Variants in FAM168A observed in about 807,000 individuals in gnomAD.
The protein encoded by FAM168A is protein FAM168A.
FAM168A carries 3 observed loss-of-function variants against 28.5 expected under a neutral mutation model. That is an observed-to-expected ratio of 0.11 (90% CI 0.05 to 0.27). The LOEUF (loss-of-function observed/expected upper bound fraction) is 0.27. Among genes scored for constraint, FAM168A ranks in the 10% least tolerant of loss-of-function variants. FAM168A has a pLI of 1.00. For missense variants in FAM168A, 222 were observed against 311.5 expected (o/e 0.71, Z 2.16); for synonymous variants, 122 against 124.2 (o/e 0.98, Z 0.12).
intron 1 of FAM168A, among the ~76,000 whole-genome samples, chr11:73,531,179 C>T (rs1396730938): frequency 6.6e-6 from 1 of 152,090 alleles, no homozygotes; most frequent in Non-Finnish European, 1.5e-5. Flanking sequence ...CACTTTACTC[C>T]CCAATCTGAA....
intron 2 of FAM168A, among the ~76,000 whole-genome samples, chr11:73,440,425 C>T (rs939346339): frequency 2.6e-5 from 4 of 152,074 alleles, no homozygotes; most frequent in South Asian, 2.1e-4. Context: ...GAAGGAGGAC[C>T]GCTGCTTGAG....
chr11:73,464,386 G>T (rs1867700418), intron 2 of FAM168A, among the ~76,000 whole-genome samples: 1 of 151,674 alleles, frequency 6.6e-6, no homozygotes. Flanking sequence ...TCTTTGAACA[G>T]ATTAATTTCC....
chr11:73,463,657 G>A (rs895696089), intron 2 of FAM168A, among the ~76,000 whole-genome samples: 1 of 152,114 alleles, frequency 6.6e-6, no homozygotes, highest in Non-Finnish European at 1.5e-5. Flanking sequence ...ATGAGCAGGG[G>A]AAGAAAATTC....
chr11:73,449,674 CTT>C (rs1867391254), intron 2 of FAM168A, among the ~76,000 whole-genome samples: 1 of 152,220 alleles, frequency 6.6e-6, no homozygotes, highest in African/African-American at 2.4e-5. Context: ...GGTCTTGACT[CTT>C]TGCCCATCCC....
chr11:73,484,632 CTA>C (rs906707512), intron 1 of FAM168A, among the ~76,000 whole-genome samples: 25 of 140,842 alleles, frequency 1.8e-4, no homozygotes, highest in Admixed American at 1.1e-3. Flanking sequence ...ATATAGATAT[CTA>C]TATCGATATC....
chr11:73,533,517 A>T (rs1943541009), intron 1 of FAM168A, among the ~76,000 whole-genome samples: 1 of 152,098 alleles, frequency 6.6e-6, no homozygotes, highest in South Asian at 2.1e-4. Flanking sequence ...CAAGTAAGAA[A>T]GGAGAACCAT....
At chr11:73,589,719 G>A (rs754807180) in intron 1 of FAM168A, among the ~76,000 whole-genome samples, 1 of 152,130 alleles carries the variant, frequency 6.6e-6, no homozygotes, top group Non-Finnish European at 1.5e-5. Context: ...ATGAGGTCAG[G>A]AGTTCAAGAC....
chr11:73,440,491 G>A (rs1762010088), intron 2 of FAM168A, among the ~76,000 whole-genome samples: 1 of 152,060 alleles, frequency 6.6e-6, no homozygotes, highest in Admixed American at 6.6e-5. Flanking sequence ...TCTACAAAAA[G>A]CGGTGGTGTG....
At chr11:73,496,901 ACACACG>A (rs1360170203) in intron 1 of FAM168A, among the ~76,000 whole-genome samples, 153 of 149,400 alleles carry the variant, frequency 1.0e-3, no homozygotes, top group South Asian at 2.8e-3. Flanking sequence ...ACACACACAC[ACACACG>A]CACACACACG....
chr11:73,440,568 T>A (rs2134528010), intron 2 of FAM168A, among the ~76,000 whole-genome samples: 1 of 152,162 alleles, frequency 6.6e-6, no homozygotes, highest in East Asian at 1.9e-4. Context: ...AGATGGAGGC[T>A]GCAGTGAGCC....
intron 1 of FAM168A, among the ~76,000 whole-genome samples, chr11:73,579,734 T>A (rs1339319000): frequency 3.9e-5 from 6 of 152,236 alleles, no homozygotes; most frequent in Non-Finnish European, 7.3e-5. Context: ...AACTATTATT[T>A]TTCTCCTTTA....
chr11:73,407,744 CA>C, intron 6 of FAM168A, 101 bp from the exon 7 acceptor site: 1 of 925,272 alleles, frequency 1.1e-6, no homozygotes, highest in Non-Finnish European at 1.7e-6. Context: ...TCCCTCTGCC[CA>C]AATCCCCCAT....
At chr11:73,477,771 C>G (rs1867908633) in intron 1 of FAM168A, among the ~76,000 whole-genome samples, 1 of 151,996 alleles carries the variant, frequency 6.6e-6, no homozygotes, top group South Asian at 2.1e-4. Context: ...AAACACATTC[C>G]CAGATAAATA....
chr11:73,508,525 C>T (rs1041966315), intron 1 of FAM168A, among the ~76,000 whole-genome samples: 1 of 152,044 alleles, frequency 6.6e-6, no homozygotes, highest in East Asian at 1.9e-4. Flanking sequence ...CTACTTCTAG[C>T]CCTGCAGGTA....
At chr11:73,522,628 G>A (rs993380225) in intron 1 of FAM168A, among the ~76,000 whole-genome samples, 2 of 151,290 alleles carry the variant, frequency 1.3e-5, no homozygotes, top group South Asian at 2.1e-4. Flanking sequence ...GAGCCACCAC[G>A]CCTGGCCAGG....
chr11:73,422,511 A>C (rs1866811297), intron 3 of FAM168A, among the ~76,000 whole-genome samples: 1 of 152,138 alleles, frequency 6.6e-6, no homozygotes, highest in Non-Finnish European at 1.5e-5. Flanking sequence ...AACGATTCTA[A>C]AGTCACCCAT....
At chr11:73,459,320 C>T (rs1426454969) in intron 2 of FAM168A, among the ~76,000 whole-genome samples, 1 of 151,878 alleles carries the variant, frequency 6.6e-6, no homozygotes, top group African/African-American at 2.4e-5. Context: ...CCCGTCTCTA[C>T]TGAAAATACA....
intron 1 of FAM168A, among the ~76,000 whole-genome samples, chr11:73,488,232 G>C (rs1868080742): frequency 6.6e-6 from 1 of 151,736 alleles, no homozygotes; most frequent in Non-Finnish European, 1.5e-5. Flanking sequence ...CTGGGTTCAA[G>C]CAATTCTCCT....
chr11:73,499,385 G>A lies in FAM168A; in HGVS notation c.-18-30893C>T, dbSNP rs1050356202. Among the ~76,000 whole-genome samples, 7 of 152,226 alleles carry A rather than the reference G, an allele frequency of 4.6e-5. No individual in the cohort carries two copies. The East Asian group carries it at 5.8e-4, about 13-fold the overall frequency. Reference sequence around the variant, plus strand: ...CCATCCAAGAGTCAGCAGCCTCAAAGACTGAACTAGACAAACTCACAAAGA... The same window carrying A: ...CCATCCAAGAGTCAGCAGCCTCAAAAACTGAACTAGACAAACTCACAAAGA... On this transcript the variant is annotated intron_variant, in intron 1 of 7. Transcript: ENST00000356467.
Sources: gnomAD v4.1 joint callset for allele counts (sites outside exome capture counted in the v4.1 genomes callset) on GRCh38, gnomAD v4.1.1 for gene constraint, MANE v1.5 for transcripts, NCBI Gene and HGNC (gene_info 2026-07-23, HGNC 2026-07-21) for gene names.